The following CALD1 variants were observed in gnomAD, a reference collection of about 807,000 sequenced individuals.
CALD1 encodes the protein caldesmon 1, also known as caldesmon.
In CALD1, 33 loss-of-function variants were observed where a neutral mutation model predicts 99.9. That is an observed-to-expected ratio of 0.33 (90% confidence interval 0.25 to 0.44). The LOEUF (loss-of-function observed/expected upper bound fraction) is 0.44, where lower values mean the gene tolerates loss of function less well. CALD1 is among the 20% of genes least tolerant of loss of function. The pLI, the probability that CALD1 is intolerant of heterozygous loss-of-function variation, is 1.00. For missense variants in CALD1, 861 were observed against 962.1 expected (o/e 0.89, Z 1.39); for synonymous variants, 310 against 325.0 (o/e 0.95, Z 0.50).
At chr7:134,730,718 A>C in the CALD1 span, among the ~76,000 whole-genome samples, 2 of 152,242 alleles carry the variant, frequency 1.3e-5, no homozygotes, top group African/African-American at 4.8e-5. Flanking sequence ...ATTAGGAACA[A>C]CACAAGTTAT....
rs930435155 is a variant in CALD1 at position 134,919,745 on chromosome 7, A to G, written c.72-9009A>G. Among the ~76,000 whole-genome samples the G allele has an allele frequency of 2.0e-5, 3 of 152,198 alleles. No homozygotes were observed. The East Asian group carries it at 5.8e-4, about 29-fold the overall frequency. The stretch of plus-strand genomic sequence containing the variant: ...TGCTCTCACCCCAGGAAAAGGCACA[A>G]CACTGATACAGCAATGAACCCCACA... On this transcript the variant is annotated intron_variant, in intron 3 of 14. Transcript: ENST00000361675.
intron 1 of CALD1, 132 bp from the exon 2 acceptor site, chr7:134,843,752 C>T (rs1312347528): frequency 2.6e-5 from 4 of 152,146 alleles, no homozygotes; most frequent in African/African-American, 7.2e-5. Flanking sequence ...TATTTCTACC[C>T]CTGCCTTACT....
intron 1 of CALD1, among the ~76,000 whole-genome samples, chr7:134,756,475 T>A (rs999739697): frequency 3.9e-5 from 6 of 152,008 alleles, no homozygotes; most frequent in Non-Finnish European, 5.9e-5. Flanking sequence ...CATGATCTAT[T>A]AGTGAGAGTT....
At chr7:134,927,723 A>C (rs1213127589) in intron 3 of CALD1, among the ~76,000 whole-genome samples, 1 of 151,362 alleles carries the variant, frequency 6.6e-6, no homozygotes, top group African/African-American at 2.4e-5. Context: ...TTAGAGCAAA[A>C]GAGGGGGGCC....
chr7:134,745,261 C>A (rs568370071), intron 1 of CALD1, among the ~76,000 whole-genome samples: 1 of 152,296 alleles, frequency 6.6e-6, no homozygotes, highest in South Asian at 2.1e-4. Flanking sequence ...CAGTATCAGG[C>A]ATCTTAAATT....
upstream of CALD1, among the ~76,000 whole-genome samples, chr7:134,775,464 C>T (rs549596374): frequency 7.9e-5 from 12 of 152,292 alleles, no homozygotes; most frequent in South Asian, 2.1e-3. Flanking sequence ...GGAATCCCAG[C>T]ACTTTGGGAG....
upstream of CALD1, among the ~76,000 whole-genome samples, chr7:134,739,761 G>T (rs1207185975): frequency 6.6e-6 from 1 of 152,066 alleles, no homozygotes; most frequent in Non-Finnish European, 1.5e-5. Flanking sequence ...TCACGTGAGT[G>T]AGAAATAAGC....
chr7:134,805,322 T>C (rs13362842), intron 1 of CALD1, among the ~76,000 whole-genome samples: 46,000 of 152,070 alleles, frequency 0.3, 7,303 homozygotes, highest in African/African-American at 0.37. Flanking sequence ...TATTCTACTT[T>C]TCTGTATCTT....
At chr7:134,770,442 G>T (rs750972436) in intron 1 of CALD1, among the ~76,000 whole-genome samples, 3 of 152,172 alleles carry the variant, frequency 2.0e-5, no homozygotes, top group Non-Finnish European at 4.4e-5. Flanking sequence ...CTGGGGCCCT[G>T]AGGGAGACTG....
the CALD1 span, among the ~76,000 whole-genome samples, chr7:134,719,114 C>T: frequency 6.6e-6 from 1 of 152,206 alleles, no homozygotes. Flanking sequence ...GAAGCTAGTC[C>T]AATGTTCTTT....
At chr7:134,849,685 T>G (rs567771661) in intron 2 of CALD1, among the ~76,000 whole-genome samples, 11 of 152,164 alleles carry the variant, frequency 7.2e-5, no homozygotes, top group Admixed American at 1.3e-4. Context: ...GGAGAGCTGA[T>G]AGTAATTGAA....
chr7:134,776,002 A>G (rs1159905117), upstream of CALD1, among the ~76,000 whole-genome samples: 1 of 152,216 alleles, frequency 6.6e-6, no homozygotes, highest in East Asian at 1.9e-4. Context: ...ACTTAATTCC[A>G]ACAATCTTGC....
At chr7:134,961,647 T>G (rs1313817095) in intron 13 of CALD1, 1 of 152,206 alleles carries the variant, frequency 6.6e-6, no homozygotes, top group East Asian at 1.9e-4. Flanking sequence ...CACCCCGAGA[T>G]TCTTTGCATA....
chr7:134,734,880 A>G, the CALD1 span: 1 of 156,252 alleles, frequency 6.4e-6, no homozygotes, highest in African/African-American at 2.4e-5. Flanking sequence ...AGACCAATAC[A>G]CCCAGTAACA....
chr7:134,951,149 G>T (rs1266817504), intron 9 of CALD1, among the ~76,000 whole-genome samples: 1 of 152,090 alleles, frequency 6.6e-6, no homozygotes, highest in Non-Finnish European at 1.5e-5. Flanking sequence ...ATTCACAAGG[G>T]CCTCACCCTC....
chr7:134,741,136 C>A (rs567985523), upstream of CALD1, among the ~76,000 whole-genome samples: 3 of 152,160 alleles, frequency 2.0e-5, no homozygotes, highest in African/African-American at 7.2e-5. Context: ...TCTCACACTG[C>A]CATAAGGACA....
chr7:134,828,552 G>A (rs571992413), intron 1 of CALD1, among the ~76,000 whole-genome samples: 3 of 152,204 alleles, frequency 2.0e-5, no homozygotes, highest in South Asian at 2.1e-4. Flanking sequence ...GCTTAATCTC[G>A]TGGGTTAGAA....
At chr7:134,776,032 C>T (rs1796916005), upstream of CALD1, among the ~76,000 whole-genome samples, 1 of 152,064 alleles carries the variant, frequency 6.6e-6, no homozygotes, top group South Asian at 2.1e-4. Flanking sequence ...CTATTAGTTC[C>T]AATATATTTA....
chr7:134,720,012 C>A, the CALD1 span, among the ~76,000 whole-genome samples: 2 of 152,086 alleles, frequency 1.3e-5, no homozygotes, highest in African/African-American at 2.4e-5. Flanking sequence ...GGTTTCTTAA[C>A]CCCCGCTTTG....
Sources: gnomAD v4.1 joint callset for allele counts (sites outside exome capture counted in the v4.1 genomes callset) on GRCh38, gnomAD v4.1.1 for gene constraint, MANE v1.5 for transcripts, NCBI Gene and HGNC (gene_info 2026-07-23, HGNC 2026-07-21) for gene names.